TBC1D30: variants seen among roughly 807,000 people sequenced by gnomAD.
TBC1D30 encodes the protein TBC1 domain family, member 30.
TBC1D30 carries 31 observed loss-of-function variants against 63.2 expected under a neutral mutation model. That is an observed-to-expected ratio of 0.49 (90% CI 0.37 to 0.66). TBC1D30 has a LOEUF of 0.66. TBC1D30 is among the 30% of genes least tolerant of loss of function. The pLI is 0.00. For synonymous variants in TBC1D30, 307 were observed against 361.5 expected, an observed-to-expected ratio of 0.85 and a Z score of 1.71; for missense variants, 810 against 953.6, an observed-to-expected ratio of 0.85 and a Z score of 1.98.
In TBC1D30 at chr12:64,827,034, A is replaced by T. The variant is rs79324806; in HGVS notation, c.155-801A>T. ...TTGTGGAGAAGTTTTTAGTACACCT[A>T]ATCTACAATCAACAATCTTAGAAAC... On this transcript the variant is annotated intron_variant, in intron 1 of 11. Transcript: ENST00000539867. Among the ~76,000 whole-genome samples the T allele has an allele frequency of 3.7e-3, 569 of 152,360 alleles. 5 individuals carry two copies. Among genetic ancestry groups the T allele is most frequent in the African/African-American group, 0.013 (553 of 41,586 alleles).
intron 1 of TBC1D30, among the ~76,000 whole-genome samples, chr12:64,826,549 C>A (rs1874369324): frequency 6.6e-6 from 1 of 152,156 alleles, no homozygotes; most frequent in African/African-American, 2.4e-5. Flanking sequence ...TTCAGCGTGC[C>A]TTAAAGCGTG....
At chr12:64,854,805 C>T (rs1877166304) in intron 8 of TBC1D30, among the ~76,000 whole-genome samples, 1 of 152,118 alleles carries the variant, frequency 6.6e-6, no homozygotes, top group African/African-American at 2.4e-5. Flanking sequence ...ATCATTTAGT[C>T]TTTCTACTTA....
In TBC1D30 at chr12:64,825,075, G is replaced by A. The variant is rs1011455497; in HGVS notation, c.154+42G>A. 1.0e-5 allele frequency: 15 copies of A among 1,507,266 alleles called. No individual in the cohort carries two copies. In the African/African-American group the frequency reaches 1.9e-4, roughly 20 times the overall value. 93.4% of individuals were successfully genotyped at this position (1,507,266 alleles called of 1,614,324 possible). On this transcript the variant is annotated intron_variant, in intron 1 of 11. Transcript: ENST00000539867. Reference sequence around the variant, plus strand: ...TGCAGATGGGGCGCTGTAAAGTAGCGCCGGGGCTGCCCGCGCTTCTGCCTT... The same window carrying A: ...TGCAGATGGGGCGCTGTAAAGTAGCACCGGGGCTGCCCGCGCTTCTGCCTT...
exon 1 of TBC1D30, chr12:64,780,781 G>T: frequency 1.0e-6 from 1 of 989,028 alleles, no homozygotes; most frequent in Non-Finnish European, 1.2e-6. Context: ...AGGAGCAGCG[G>T]GAGCCGGGCA....
intron 8 of TBC1D30, among the ~76,000 whole-genome samples, chr12:64,859,111 A>G (rs1877564721): frequency 6.6e-6 from 1 of 151,412 alleles, no homozygotes; most frequent in Non-Finnish European, 1.5e-5. Context: ...GGAGGGGTGC[A>G]CATATATGCG....
intron 11 of TBC1D30, among the ~76,000 whole-genome samples, chr12:64,873,658 G>A (rs1474394527): frequency 6.6e-6 from 1 of 151,130 alleles, no homozygotes; most frequent in African/African-American, 2.5e-5. Flanking sequence ...GCCAAAATGA[G>A]GAGTATTAGA....
exon 1 of TBC1D30, chr12:64,780,921 C>G: frequency 9.6e-7 from 1 of 1,039,040 alleles, no homozygotes; most frequent in Middle Eastern, 3.4e-4. Context: ...ACGATTCCTG[C>G]AGCTCCCCCA....
chr12:64,783,447 G>C (rs1871391836), intron 1 of TBC1D30, among the ~76,000 whole-genome samples: 1 of 152,176 alleles, frequency 6.6e-6, no homozygotes, highest in South Asian at 2.1e-4. Context: ...ACAGATGTTA[G>C]ATATAACTTT....
In TBC1D30 at chr12:64,878,485, A is replaced by G. The variant is rs1470771653; in HGVS notation, c.*2697A>G. ...CCTCTGCACCTCAGTTCCTCTTACAAAAGCCTCCAGATGATCTAAATCTAG... is the reference window on the plus strand; with the variant it reads ...CCTCTGCACCTCAGTTCCTCTTACAGAAGCCTCCAGATGATCTAAATCTAG... On this transcript the variant is annotated 3_prime_UTR_variant, in exon 12 of 12. Transcript: ENST00000539867. 7 of 456,608 alleles carry G rather than the reference A, an allele frequency of 1.5e-5. No homozygotes were observed. In the Admixed American group the frequency reaches 1.6e-4, roughly 11 times the overall value. The allele number at this position is 456,608 out of a possible 1,614,324, so 28.3% of individuals were successfully genotyped here. A position where few individuals can be genotyped will look rare whatever the true frequency, so the allele number is the denominator to read the frequency against.
intron 2 of TBC1D30, among the ~76,000 whole-genome samples, chr12:64,793,157 A>G (rs149544528): frequency 7.2e-4 from 110 of 152,166 alleles, no homozygotes; most frequent in African/African-American, 2.5e-3. Flanking sequence ...CCTAGGCAAC[A>G]TAGTAAGACC....
chr12:64,822,243 C>T (rs1201064096), upstream of TBC1D30, among the ~76,000 whole-genome samples: 1 of 150,314 alleles, frequency 6.7e-6, no homozygotes, highest in African/African-American at 2.5e-5. Context: ...GTGCAGTGGC[C>T]AATCATAGCT....
chr12:64,863,050 TAGCTG>T (rs1487124841), intron 8 of TBC1D30, among the ~76,000 whole-genome samples: 1 of 152,200 alleles, frequency 6.6e-6, no homozygotes, highest in Admixed American at 6.5e-5. Flanking sequence ...GGCAGCGAGG[TAGCTG>T]TTGCATAGCT....
chr12:64,837,379 G>T (rs1418280784), intron 6 of TBC1D30, among the ~76,000 whole-genome samples: 1 of 151,820 alleles, frequency 6.6e-6, no homozygotes, highest in Non-Finnish European at 1.5e-5. Flanking sequence ...TGTAATGTAG[G>T]ATCAGTGGGA....
chr12:64,804,174 G>T (rs148575404), intron 2 of TBC1D30, among the ~76,000 whole-genome samples: 2,233 of 152,306 alleles, frequency 0.015, 29 homozygotes, highest in Middle Eastern at 0.054. Flanking sequence ...TCGTTGAGCA[G>T]TGGTTTATAG....
chr12:64,812,333 A>G (rs1248749377), intron 2 of TBC1D30, among the ~76,000 whole-genome samples: 1 of 152,202 alleles, frequency 6.6e-6, no homozygotes, highest in Non-Finnish European at 1.5e-5. Flanking sequence ...CCAGTGTCTG[A>G]TCCACAGTAA....
chr12:64,841,525 C>T (rs983258524), intron 7 of TBC1D30, among the ~76,000 whole-genome samples: 32 of 152,178 alleles, frequency 2.1e-4, no homozygotes, highest in East Asian at 3.8e-4. Flanking sequence ...AAAGCCTTTT[C>T]GTGACTCATG....
intron 1 of TBC1D30, among the ~76,000 whole-genome samples, chr12:64,760,298 G>A (rs529975745): frequency 4.6e-5 from 7 of 152,108 alleles, no homozygotes; most frequent in Admixed American, 1.3e-4. Context: ...CCGTGGGCGC[G>A]GTGGCTCACG....
chr12:64,787,729 T>A (rs1181500405), intron 2 of TBC1D30, among the ~76,000 whole-genome samples: 1 of 152,206 alleles, frequency 6.6e-6, no homozygotes, highest in African/African-American at 2.4e-5. Context: ...AGGTTTTACC[T>A]AATAGATATT....
chr12:64,836,455 C>T, intron 5 of TBC1D30, 35 bp from the exon 6 acceptor site: 1 of 1,499,770 alleles, frequency 6.7e-7, no homozygotes, highest in Non-Finnish European at 8.9e-7. Context: ...CCAGTTTTTA[C>T]AAAGCAGTCT....
Sources: allele counts gnomAD v4.1 joint callset (sites outside exome capture counted in the v4.1 genomes callset), GRCh38; gene constraint gnomAD v4.1.1; transcripts MANE v1.5; gene names NCBI Gene and HGNC (gene_info 2026-07-23, HGNC 2026-07-21).